The following ESR2 variants were observed in gnomAD, a reference collection of about 807,000 sequenced individuals.
ESR2 encodes the protein estrogen receptor beta.
In ESR2, 36 loss-of-function variants were observed where a neutral mutation model predicts 49.6. The ratio of observed to expected loss-of-function variants is 0.73; its 90% CI spans 0.56 to 0.96. The LOEUF is 0.96. Ranked by LOEUF, ESR2 falls within the 40% of genes least tolerant of loss-of-function variation. ESR2 has a pLI of 0.00. For synonymous variants in ESR2, 320 were observed against 266.1 expected (o/e 1.20, Z -1.97); for missense variants, 714 against 693.0 (o/e 1.03, Z -0.34).
chr14:64,265,983 T>G (rs976855332), intron 4 of ESR2, among the ~76,000 whole-genome samples: 8 of 152,192 alleles, frequency 5.3e-5, no homozygotes, highest in Admixed American at 3.9e-4. Flanking sequence ...AGTTCATCTC[T>G]AATGATCTTT....
intron 1 of ESR2, among the ~76,000 whole-genome samples, chr14:64,293,086 T>C (rs1469243180): frequency 6.6e-6 from 1 of 152,246 alleles, no homozygotes; most frequent in Non-Finnish European, 1.5e-5. Context: ...TATAGTTTCC[T>C]TCTTCTAGAA....
chr14:64,262,466 C>A (rs948875457), intron 4 of ESR2, among the ~76,000 whole-genome samples: 2 of 152,200 alleles, frequency 1.3e-5, no homozygotes, highest in East Asian at 3.9e-4. Flanking sequence ...AAATAACAAA[C>A]AATAACATGC....
In ESR2 at chr14:64,282,942, GA is replaced by G; in HGVS notation, c.43del (p.Ser15ProfsTer23). 6.2e-7 allele frequency: 1 copy of G among 1,614,066 alleles called. No individual in the cohort carries two copies. Among genetic ancestry groups the G allele is most frequent in the Non-Finnish European group, 8.5e-7 (1 of 1,179,934 alleles). On this transcript the variant is annotated frameshift_variant, in exon 2 of 9. Coordinates refer to ENST00000341099, the MANE Select transcript of ESR2 (RefSeq NM_001437.3). LOFTEE classifies it high-confidence loss of function. The stretch of plus-strand genomic sequence containing the variant: ...TAAGATGGATTGACTGCAGTTGTAG[GA>G]GGAAGGAGAATTAAGGCTAGATGGT... The part of the protein sequence containing the change: ...NSPSSLNSPS[S>X]YNCSQSILPL...
chr14:64,242,467 TAA>T (rs1804960191), intron 7 of ESR2, among the ~76,000 whole-genome samples: 2 of 149,652 alleles, frequency 1.3e-5, no homozygotes, highest in African/African-American at 4.9e-5. Flanking sequence ...TATATATATA[TAA>T]AATCATATGG....
intron 6 of ESR2, among the ~76,000 whole-genome samples, chr14:64,250,575 T>C (rs2075966870): frequency 6.6e-6 from 1 of 152,164 alleles, no homozygotes; most frequent in Non-Finnish European, 1.5e-5. Flanking sequence ...AGTTAGATGA[T>C]TTTGTCACAA....
chr14:64,336,954 TA>T (rs533357912), intron 1 of ESR2, among the ~76,000 whole-genome samples: 1 of 152,062 alleles, frequency 6.6e-6, no homozygotes, highest in East Asian at 1.9e-4. Flanking sequence ...ATTTACCTAT[TA>T]AAAAAATAGA....
At chr14:64,239,080 G>A (rs1489754656) in intron 7 of ESR2, among the ~76,000 whole-genome samples, 1 of 152,228 alleles carries the variant, frequency 6.6e-6, no homozygotes, top group African/African-American at 2.4e-5. Flanking sequence ...CTGGCTTTGG[G>A]GAGCCGTATG....
Position 64,274,310 on chromosome 14 carries a change from G to A in ESR2, c.536-5399C>T, listed in dbSNP as rs191059820. Among the ~76,000 whole-genome samples, 36 of 152,010 alleles carry A rather than the reference G, an allele frequency of 2.4e-4. 1 individual carries two copies. In the East Asian group the frequency reaches 5.6e-3, roughly 24 times the overall value. On this transcript the variant is annotated intron_variant, in intron 3 of 8. Transcript: ENST00000341099. ...CTTGTTACTGGTATGTTCAGGTTTC[G>A]GATTTCTTCATAGTTCAATCTTAAC...
intron 4 of ESR2, among the ~76,000 whole-genome samples, chr14:64,268,346 G>GCCT (rs1386294243): frequency 6.6e-6 from 1 of 152,168 alleles, no homozygotes; most frequent in Non-Finnish European, 1.5e-5. Flanking sequence ...ATAGGTGTGA[G>GCCT]CCTCCCCATG....
At chr14:64,308,686 T>G (rs377038730) in intron 1 of ESR2, among the ~76,000 whole-genome samples, 10 of 151,664 alleles carry the variant, frequency 6.6e-5, no homozygotes, top group South Asian at 6.2e-4. Flanking sequence ...ACATTGGCTG[T>G]TTTTTTTATT....
intron 8 of ESR2, 35 bp from the exon 9 acceptor site, chr14:64,233,358 C>G: frequency 6.3e-7 from 1 of 1,588,452 alleles, no homozygotes; most frequent in Non-Finnish European, 8.6e-7. Flanking sequence ...ATTCCCTCCT[C>G]CGAGGCAGCC....
intron 4 of ESR2, among the ~76,000 whole-genome samples, chr14:64,266,258 AT>A (rs142892445): frequency 0.053 from 8,100 of 152,296 alleles, 508 homozygotes; most frequent in African/African-American, 0.15. Context: ...AGTGTCAGAT[AT>A]TGTGCTAAGT....
intron 2 of ESR2, among the ~76,000 whole-genome samples, chr14:64,282,040 T>C (rs1332065688): frequency 1.3e-5 from 2 of 152,160 alleles, no homozygotes; most frequent in Non-Finnish European, 2.9e-5. Flanking sequence ...AATAACTCCA[T>C]TAAGAGTGAC....
intron 1 of ESR2, among the ~76,000 whole-genome samples, chr14:64,326,968 G>A (rs933005753): frequency 6.6e-6 from 1 of 152,086 alleles, no homozygotes; most frequent in Non-Finnish European, 1.5e-5. Flanking sequence ...AACATTTCTC[G>A]ATTACCTCCT....
chr14:64,286,803 C>T (rs1267967673), intron 1 of ESR2, among the ~76,000 whole-genome samples: 1 of 150,778 alleles, frequency 6.6e-6, no homozygotes, highest in Non-Finnish European at 1.5e-5. Flanking sequence ...GCAACCTCCA[C>T]CTCCAGGGTT....
At chr14:64,316,045 T>A (rs2077251165) in intron 1 of ESR2, among the ~76,000 whole-genome samples, 1 of 151,672 alleles carries the variant, frequency 6.6e-6, no homozygotes, top group Non-Finnish European at 1.5e-5. Context: ...AGTGTCTCAC[T>A]GTCACCCAGG....
At chr14:64,256,946 T>A (rs193100944) in intron 6 of ESR2, among the ~76,000 whole-genome samples, 1 of 152,270 alleles carries the variant, frequency 6.6e-6, no homozygotes, top group Non-Finnish European at 1.5e-5. Flanking sequence ...TGTCGACTTA[T>A]ACACATAGTG....
rs546380445 is a variant in ESR2 at position 64,229,650 on chromosome 14, A to C, written c.*3487T>G. On this transcript the variant is annotated 3_prime_UTR_variant, in exon 9 of 9. Coordinates refer to ENST00000341099, the MANE Select transcript of ESR2 (RefSeq NM_001437.3). ...TTTGAAGTGCATGGTCACTGTCAGCACTGGACTTGGACTGCCTGTGTTCAG... is the reference window on the plus strand; with the variant it reads ...TTTGAAGTGCATGGTCACTGTCAGCCCTGGACTTGGACTGCCTGTGTTCAG... Among the ~76,000 whole-genome samples the C allele has an allele frequency of 6.6e-6, 1 of 152,292 alleles. No homozygotes were observed. Among genetic ancestry groups the C allele is most frequent in the African/African-American group, 2.4e-5 (1 of 41,568 alleles).
Position 64,260,598 on chromosome 14 carries a change from A to G in ESR2, c.803T>C (p.Leu268Pro). Residue 268 changes from leucine to proline, a missense_variant, in exon 5 of 9, where the codon CTA becomes CCA. Physicochemically the swap from Leu to Pro is moderately conservative, Grantham distance 98 (BLOSUM62 -3). Transcript: ENST00000341099. ...CTCAGCCTCCAGGAGGGTGAGCACT[A>G]GCTGCTCGGGGCTCAGGGCGTCCAG... Reference protein sequence around the residue: ...LLLDALSPEQLVLTLLEAEPP... With the variant: ...LLLDALSPEQPVLTLLEAEPP... The G allele has an allele frequency of 6.2e-7, 1 of 1,610,622 alleles. No individual in the cohort carries two copies. Among genetic ancestry groups the G allele is most frequent in the Non-Finnish European group, 8.5e-7 (1 of 1,178,108 alleles).
Sources: allele counts gnomAD v4.1 joint callset (sites outside exome capture counted in the v4.1 genomes callset), GRCh38; gene constraint gnomAD v4.1.1; transcripts MANE v1.5; gene names NCBI Gene and HGNC (gene_info 2026-07-23, HGNC 2026-07-21).